RABEP1: variants seen among roughly 807,000 people sequenced by gnomAD.
RABEP1 encodes the protein rab GTPase-binding effector protein 1.
In RABEP1, 51 loss-of-function variants were observed where a neutral mutation model predicts 123.4. The ratio of observed to expected loss-of-function variants is 0.41; its 90% CI spans 0.33 to 0.52. The LOEUF is 0.52. Ranked by LOEUF, RABEP1 falls within the 20% of genes least tolerant of loss-of-function variation. The pLI, the probability that RABEP1 is intolerant of heterozygous loss-of-function variation, is 0.16. For synonymous variants in RABEP1, 347 were observed against 355.2 expected (o/e 0.98, Z 0.26); for missense variants, 888 against 996.3 (o/e 0.89, Z 1.46).
At chr17:5,327,424 G>A (rs770576129) in intron 2 of RABEP1, among the ~76,000 whole-genome samples, 2 of 151,998 alleles carry the variant, frequency 1.3e-5, no homozygotes, top group Non-Finnish European at 2.9e-5. Context: ...ATGTTTGGCA[G>A]TATGATGTTA....
intron 16 of RABEP1, 141 bp downstream of exon 16, chr17:5,380,603 AAAAACTT>A: frequency 2.7e-6 from 2 of 747,864 alleles, no homozygotes; most frequent in South Asian, 3.0e-5. Flanking sequence ...TGTGAAAAGA[AAAAACTT>A]AAACGAATTG....
chr17:5,367,563 C>T (rs1189369422), intron 11 of RABEP1, among the ~76,000 whole-genome samples: 1 of 151,122 alleles, frequency 6.6e-6, no homozygotes, highest in Admixed American at 6.6e-5. Context: ...GTCACCGTGC[C>T]CAGCCAAGGG....
At chr17:5,291,709 C>T (rs2075035151) in intron 1 of RABEP1, among the ~76,000 whole-genome samples, 2 of 152,114 alleles carry the variant, frequency 1.3e-5, no homozygotes, top group South Asian at 4.1e-4. Context: ...GAGTTTGAGG[C>T]CAGCCTGGCC....
chr17:5,321,720 G>A (rs1398779134), intron 2 of RABEP1, among the ~76,000 whole-genome samples: 5 of 152,184 alleles, frequency 3.3e-5, no homozygotes, highest in East Asian at 1.9e-4. Context: ...AAAAGAGCAG[G>A]AGTAAGTAAG....
At chr17:5,337,443 TG>T (rs1907199659) in intron 4 of RABEP1, among the ~76,000 whole-genome samples, 1 of 152,168 alleles carries the variant, frequency 6.6e-6, no homozygotes, top group African/African-American at 2.4e-5. Flanking sequence ...CCCAGCACTT[TG>T]GGAGGCCGAG....
At chr17:5,296,487 C>T (rs927221495) in intron 1 of RABEP1, among the ~76,000 whole-genome samples, 1 of 152,116 alleles carries the variant, frequency 6.6e-6, no homozygotes, top group Non-Finnish European at 1.5e-5. Context: ...TCTCAAACTC[C>T]CAACCTCAGG....
At chr17:5,331,332 A>G (rs900647377) in intron 2 of RABEP1, among the ~76,000 whole-genome samples, 1 of 152,170 alleles carries the variant, frequency 6.6e-6, no homozygotes, top group Admixed American at 6.5e-5. Context: ...TGTTAAGGGT[A>G]TGGGAAAACA....
chr17:5,367,346 A>C (rs1355633577), intron 11 of RABEP1, among the ~76,000 whole-genome samples: 1 of 151,446 alleles, frequency 6.6e-6, no homozygotes, highest in Non-Finnish European at 1.5e-5. Context: ...ATCTTGGCTC[A>C]CTGCAACGTC....
intron 14 of RABEP1, among the ~76,000 whole-genome samples, chr17:5,377,622 G>T (rs1911110159): frequency 6.7e-6 from 1 of 149,990 alleles, no homozygotes. Flanking sequence ...TGCCTCCCAG[G>T]TTCAGGCAAT....
chr17:5,347,893 A>C (rs1908206041), intron 6 of RABEP1, among the ~76,000 whole-genome samples: 1 of 152,254 alleles, frequency 6.6e-6, no homozygotes, highest in Admixed American at 6.5e-5. Context: ...AACCTTCCTA[A>C]TAAACCTTGA....
At chr17:5,329,912 A>ATATT (rs1179154491) in intron 2 of RABEP1, among the ~76,000 whole-genome samples, 1 of 151,392 alleles carries the variant, frequency 6.6e-6, no homozygotes, top group Non-Finnish European at 1.5e-5. Context: ...CCAAAAATGG[A>ATATT]TATTTAGGCT....
At chr17:5,317,007 C>G (rs181027707) in intron 2 of RABEP1, among the ~76,000 whole-genome samples, 1 of 151,906 alleles carries the variant, frequency 6.6e-6, no homozygotes, top group African/African-American at 2.4e-5. Flanking sequence ...CAGGTTCAGT[C>G]GATTCTCCTG....
intron 1 of RABEP1, among the ~76,000 whole-genome samples, chr17:5,307,311 C>T (rs765397412): frequency 2.6e-5 from 4 of 152,200 alleles, no homozygotes; most frequent in Non-Finnish European, 5.9e-5. Context: ...GAGGGAGACT[C>T]CGTCTCAAAA....
chr17:5,344,697 G>A lies in RABEP1; in HGVS notation c.649-2093G>A, dbSNP rs531200730. Among the ~76,000 whole-genome samples the A allele has an allele frequency of 2.3e-3, 340 of 150,736 alleles. 1 individual carries two copies. The highest frequency in any genetic ancestry group is 0.014 in the Middle Eastern group (4 of 292). ...TGAGTCAGGATAATGGCGTGAACCC[G>A]GGAGGCGGAGCTTGCAGTGTGCCGA... On this transcript the variant is annotated intron_variant, in intron 5 of 17. Coordinates refer to ENST00000537505, the MANE Select transcript of RABEP1 (RefSeq NM_004703.6).
At chr17:5,297,784 G>A (rs561811990) in intron 1 of RABEP1, among the ~76,000 whole-genome samples, 8 of 152,298 alleles carry the variant, frequency 5.3e-5, no homozygotes, top group South Asian at 2.1e-4. Flanking sequence ...CTTAGTGGGA[G>A]GGCTGGGATT....
At chr17:5,303,040 A>G (rs2075149556) in intron 1 of RABEP1, among the ~76,000 whole-genome samples, 1 of 152,134 alleles carries the variant, frequency 6.6e-6, no homozygotes, top group African/African-American at 2.4e-5. Context: ...TTTAAATCTC[A>G]TCAGCATAAT....
At chr17:5,379,287 C>T (rs145522196) in intron 15 of RABEP1, among the ~76,000 whole-genome samples, 377 of 152,320 alleles carry the variant, frequency 2.5e-3, no homozygotes, top group African/African-American at 8.7e-3. Context: ...TGACCTGCTT[C>T]TGACCACAGT....
Position 5,299,719 on chromosome 17 carries a change from C to CTTTTTTTTT in RABEP1, c.35-8970_35-8969insTTTTTTTTT, listed in dbSNP as rs146585957. Among the ~76,000 whole-genome samples, 275 of 98,788 alleles carry CTTTTTTTTT rather than the reference C, an allele frequency of 2.8e-3. 37 individuals are homozygous for CTTTTTTTTT. Among genetic ancestry groups the CTTTTTTTTT allele is most frequent in the East Asian group, 9.8e-3 (19 of 1,936 alleles). The allele number at this position is 98,788 out of a possible 152,430, so 64.8% of individuals were successfully genotyped here. A position where few individuals can be genotyped will look rare whatever the true frequency, so the allele number is the denominator to read the frequency against. On this transcript the variant is annotated intron_variant, in intron 1 of 17. Transcript: ENST00000537505. ...TCATTTCTTTTTCTTTTTTTCTTTT[C>CTTTTTTTTT]TTTTTCTTTTTCTTTTTTTTTTTTT...
At chr17:5,344,954 C>A (rs1324023683) in intron 5 of RABEP1, among the ~76,000 whole-genome samples, 2 of 151,358 alleles carry the variant, frequency 1.3e-5, no homozygotes, top group Non-Finnish European at 2.9e-5. Context: ...CAGATCGAGA[C>A]TCCGTCTCAG....
Sources: gnomAD v4.1 joint callset for allele counts (sites outside exome capture counted in the v4.1 genomes callset) on GRCh38, gnomAD v4.1.1 for gene constraint, MANE v1.5 for transcripts, NCBI Gene and HGNC (gene_info 2026-07-23, HGNC 2026-07-21) for gene names.